The following SYN3 variants were observed in gnomAD, a reference collection of about 807,000 sequenced individuals.
SYN3 encodes the protein synapsin III.
Under a neutral mutation model 65.8 loss-of-function variants are expected in SYN3, and 35 were observed. The observed-to-expected ratio is 0.53, with a 90% confidence interval of 0.41 to 0.70. The LOEUF (loss-of-function observed/expected upper bound fraction) is 0.70. Ranked by LOEUF, SYN3 falls within the 30% of genes least tolerant of loss-of-function variation. The pLI, the probability that SYN3 is intolerant of heterozygous loss-of-function variation, is 0.00. For synonymous variants in SYN3, 270 were observed against 292.9 expected (o/e 0.92, Z 0.80); for missense variants, 680 against 749.0 (o/e 0.91, Z 1.08).
intron 6 of SYN3, among the ~76,000 whole-genome samples, chr22:32,671,697 TCACA>T (rs1370953613): frequency 7.1e-6 from 1 of 140,954 alleles, no homozygotes; most frequent in Admixed American, 7.1e-5. Flanking sequence ...ACACACGCTG[TCACA>T]CAGGTGCACA....
intron 6 of SYN3, among the ~76,000 whole-genome samples, chr22:32,644,073 C>CAAAAA (rs1175308291): frequency 2.6e-4 from 1 of 3,912 alleles, no homozygotes; most frequent in African/African-American, 5.2e-4. Context: ...GACTCTGCCT[C>CAAAAA]AAAAAAAAAA....
At chr22:32,730,382 C>G (rs1364935224) in intron 6 of SYN3, among the ~76,000 whole-genome samples, 1 of 152,224 alleles carries the variant, frequency 6.6e-6, no homozygotes, top group Admixed American at 6.5e-5. Flanking sequence ...CCATGTGCTT[C>G]TGCCTTTAGA....
intron 6 of SYN3, among the ~76,000 whole-genome samples, chr22:32,836,955 G>A (rs1472389677): frequency 2.6e-5 from 4 of 152,226 alleles, no homozygotes; most frequent in Non-Finnish European, 5.9e-5. Context: ...TCTGGGAACA[G>A]ATTTGCTGTC....
chr22:32,603,505 G>A (rs1295575035), intron 6 of SYN3, among the ~76,000 whole-genome samples: 1 of 149,124 alleles, frequency 6.7e-6, no homozygotes, highest in Non-Finnish European at 1.5e-5. Flanking sequence ...GGGCGACAGA[G>A]CGAGACTCCG....
intron 6 of SYN3, among the ~76,000 whole-genome samples, chr22:32,616,464 G>A (rs1287164986): frequency 6.6e-6 from 1 of 152,202 alleles, no homozygotes; most frequent in African/African-American, 2.4e-5. Context: ...CCTTGTGGCA[G>A]TCGGGCCACA....
chr22:33,002,829 C>T (rs2053098759), intron 2 of SYN3, among the ~76,000 whole-genome samples: 1 of 152,110 alleles, frequency 6.6e-6, no homozygotes, highest in Admixed American at 6.5e-5. Context: ...TTACTTGGTG[C>T]CTACTGATAC....
chr22:33,030,838 T>G (rs1437220872), intron 1 of SYN3, among the ~76,000 whole-genome samples: 1 of 144,904 alleles, frequency 6.9e-6, no homozygotes, highest in East Asian at 2.1e-4. Context: ...GACAGAGAGA[T>G]AGTGACGGAG....
chr22:32,947,669 G>T (rs1421311671), intron 3 of SYN3: 2 of 152,232 alleles, frequency 1.3e-5, no homozygotes, highest in African/African-American at 4.8e-5. Context: ...GAAGGCAAAG[G>T]TTGCTGGGAG....
intron 6 of SYN3, among the ~76,000 whole-genome samples, chr22:32,708,889 T>C (rs1197658975): frequency 6.6e-6 from 1 of 152,228 alleles, no homozygotes; most frequent in Admixed American, 6.5e-5. Flanking sequence ...GATGACTCCG[T>C]GCGGAAGGAC....
In SYN3 at chr22:33,008,924, CAAAAAAAAAAAAAAAAAAAAAAAAAA is replaced by C. The variant is rs201719238; in HGVS notation, c.-162-2126_-162-2101del. Among the ~76,000 whole-genome samples the C allele has an allele frequency of 1.3e-3, 75 of 57,100 alleles. 2 individuals carry two copies. In the Middle Eastern group the frequency reaches 0.036, roughly 27 times the overall value. 37.5% of individuals were successfully genotyped at this position (57,100 alleles called of 152,430 possible). A position where few individuals can be genotyped will look rare whatever the true frequency, so the allele number is the denominator to read the frequency against. ...TGGGTGACAGAGTAAGACTTTATCT[CAAAAAAAAAAAAAAAAAAAAAAAAAA>C]AAAAAAAAAAAAAGAGAGAGAGAGA... is the stretch of plus-strand genomic sequence containing the variant. On this transcript the variant is annotated intron_variant, in intron 1 of 13. Transcript: ENST00000358763.
intron 6 of SYN3, among the ~76,000 whole-genome samples, chr22:32,797,761 G>C (rs1206260580): frequency 6.6e-6 from 1 of 152,166 alleles, no homozygotes; most frequent in Non-Finnish European, 1.5e-5. Context: ...TCTTGGGTAC[G>C]TTCCCATGTG....
At chr22:32,894,746 A>G (rs1468376593) in intron 4 of SYN3, among the ~76,000 whole-genome samples, 1 of 152,184 alleles carries the variant, frequency 6.6e-6, no homozygotes, top group Non-Finnish European at 1.5e-5. Flanking sequence ...TGAGATTTGC[A>G]TTTGGATCTA....
intron 1 of SYN3, among the ~76,000 whole-genome samples, chr22:33,030,412 G>A (rs1281418249): frequency 6.6e-6 from 1 of 152,188 alleles, no homozygotes; most frequent in Non-Finnish European, 1.5e-5. Flanking sequence ...GCTATTGACA[G>A]GGGAGGGAGA....
At chr22:32,847,217 A>G (rs373644892) in intron 6 of SYN3, among the ~76,000 whole-genome samples, 1 of 152,184 alleles carries the variant, frequency 6.6e-6, no homozygotes, top group African/African-American at 2.4e-5. Flanking sequence ...AAGCTGTTAT[A>G]ACCTGCCTGT....
intron 6 of SYN3, among the ~76,000 whole-genome samples, chr22:32,752,502 T>C (rs2045158665): frequency 6.6e-6 from 1 of 152,196 alleles, no homozygotes; most frequent in South Asian, 2.1e-4. Flanking sequence ...TAAATTAAAA[T>C]GACTCATTAA....
intron 7 of SYN3, among the ~76,000 whole-genome samples, chr22:32,586,244 C>T (rs1185459562): frequency 2.6e-5 from 4 of 151,862 alleles, no homozygotes; most frequent in Non-Finnish European, 5.9e-5. Flanking sequence ...GCAGTGAACA[C>T]TGAATAAGTG....
intron 6 of SYN3, among the ~76,000 whole-genome samples, chr22:32,703,722 A>G (rs1274751424): frequency 6.6e-6 from 1 of 152,156 alleles, no homozygotes; most frequent in Non-Finnish European, 1.5e-5. Flanking sequence ...AACTGATGGC[A>G]AAAGTCTTGA....
At chr22:32,640,512 G>T (rs1436599009) in intron 6 of SYN3, among the ~76,000 whole-genome samples, 1 of 152,196 alleles carries the variant, frequency 6.6e-6, no homozygotes, top group African/African-American at 2.4e-5. Context: ...AGTACCACTG[G>T]GGTGGAGTAG....
chr22:32,799,597 T>C (rs1313851253), intron 6 of SYN3, among the ~76,000 whole-genome samples: 3 of 152,208 alleles, frequency 2.0e-5, no homozygotes, highest in Non-Finnish European at 2.9e-5. Context: ...TGTAAGATGC[T>C]TATCCAAAGT....
Sources: allele counts gnomAD v4.1 joint callset (sites outside exome capture counted in the v4.1 genomes callset), GRCh38; gene constraint gnomAD v4.1.1; transcripts MANE v1.5; gene names NCBI Gene and HGNC (gene_info 2026-07-23, HGNC 2026-07-21).